The following CTNNA2 variants were observed in gnomAD, a reference collection of about 807,000 sequenced individuals.
CTNNA2 encodes catenin alpha-2.
Under a neutral mutation model 101.0 loss-of-function variants are expected in CTNNA2, and 42 were observed. The observed-to-expected ratio is 0.42, with a 90% confidence interval of 0.32 to 0.54. The LOEUF (loss-of-function observed/expected upper bound fraction) is 0.54. CTNNA2 is among the 20% of genes least tolerant of loss of function. The pLI is 0.14. For missense variants in CTNNA2, 871 were observed against 1,223.1 expected (o/e 0.71, Z 4.29); for synonymous variants, 450 against 456.4 (o/e 0.99, Z 0.18).
intron 9 of CTNNA2, among the ~76,000 whole-genome samples, chr2:80,486,389 T>A (rs1686584878): frequency 6.6e-6 from 1 of 152,206 alleles, no homozygotes; most frequent in Admixed American, 6.5e-5. Flanking sequence ...TTCTTTGAGA[T>A]ATAGTATTCT....
At chr2:80,149,337 C>A (rs1352343232) in intron 7 of CTNNA2, among the ~76,000 whole-genome samples, 1 of 152,068 alleles carries the variant, frequency 6.6e-6, no homozygotes, top group Non-Finnish European at 1.5e-5. Context: ...TGTTTTTGAT[C>A]CTGTTATGAG....
In CTNNA2 at chr2:80,489,092, T is replaced by C. The variant is rs371398474; in HGVS notation, c.1291-55890T>C. ...TGTCTTTGCATGTACCTTTGTAACA[T>C]GTACCTGGTGATTTTATGCTGGTCA... On this transcript the variant is annotated intron_variant, in intron 9 of 18. Coordinates refer to ENST00000402739, the MANE Select transcript of CTNNA2 (RefSeq NM_001282597.3). Among the ~76,000 whole-genome samples, 7 of 152,262 alleles carry C rather than the reference T, an allele frequency of 4.6e-5. No individual in the cohort carries two copies. The East Asian group carries it at 1.2e-3, about 25-fold the overall frequency.
chr2:80,440,273 A>G (rs1370767132), intron 9 of CTNNA2, among the ~76,000 whole-genome samples: 2 of 152,192 alleles, frequency 1.3e-5, no homozygotes, highest in East Asian at 1.9e-4. Context: ...CTTAACAACC[A>G]TGGGGTGATT....
intron 8 of CTNNA2, among the ~76,000 whole-genome samples, chr2:80,415,004 A>G (rs1387959659): frequency 6.6e-6 from 1 of 152,158 alleles, no homozygotes; most frequent in East Asian, 1.9e-4. Flanking sequence ...AGTAGAAAGG[A>G]TCTAAATAAG....
In CTNNA2 at chr2:80,303,717, C is replaced by T. The variant is rs768898408; in HGVS notation, c.1057-89494C>T. On this transcript the variant is annotated intron_variant, in intron 7 of 18. Coordinates refer to ENST00000402739, the MANE Select transcript of CTNNA2 (RefSeq NM_001282597.3). The surrounding 1 kb of genome is among the most constrained non-coding windows in gnomAD (Gnocchi z 7.7). ...CACAGCTGCGGGCACCCGCTGGGGG[C>T]GGCGGGCAGCATCTGAAAGCAGGCC... 6.2e-7 allele frequency: 1 copy of T among 1,606,270 alleles called. No homozygotes were observed. The highest frequency in any genetic ancestry group is 8.5e-7 in the Non-Finnish European group (1 of 1,176,270).
intron 7 of CTNNA2, among the ~76,000 whole-genome samples, chr2:79,992,347 A>G (rs1396320976): frequency 6.6e-6 from 1 of 152,232 alleles, no homozygotes; most frequent in Non-Finnish European, 1.5e-5. Context: ...AAAATTAGAC[A>G]TACTTAATAT....
intron 4 of CTNNA2, among the ~76,000 whole-genome samples, chr2:79,391,465 A>G (rs1246719155): frequency 6.6e-6 from 1 of 152,242 alleles, no homozygotes; most frequent in East Asian, 1.9e-4. Flanking sequence ...TATATAAAAA[A>G]GATGTGTTAA....
intron 2 of CTNNA2, among the ~76,000 whole-genome samples, chr2:79,666,150 G>C (rs548054958): frequency 6.6e-6 from 1 of 152,084 alleles, no homozygotes; most frequent in Non-Finnish European, 1.5e-5. Context: ...AGTGACTTTT[G>C]CATTTTTTAA....
chr2:80,647,151 C>T (rs1012216321), intron 18 of CTNNA2, among the ~76,000 whole-genome samples: 7 of 152,056 alleles, frequency 4.6e-5, no homozygotes, highest in Non-Finnish European at 7.4e-5. Flanking sequence ...ATGGATTGTT[C>T]TTCTGCCTAA....
At chr2:80,053,985 G>A (rs1697049565) in intron 7 of CTNNA2, among the ~76,000 whole-genome samples, 2 of 152,222 alleles carry the variant, frequency 1.3e-5, no homozygotes, top group African/African-American at 4.8e-5. Context: ...TCATTTTACA[G>A]AGTAGCACAA....
At position 80,302,195 on chromosome 2, in the gene CTNNA2, C is replaced by T; in HGVS notation, c.1057-91016C>T. On this transcript the variant is annotated intron_variant, in intron 7 of 18. Coordinates refer to ENST00000402739, the MANE Select transcript of CTNNA2 (RefSeq NM_001282597.3). The surrounding 1 kb of genome is among the most constrained non-coding windows in gnomAD (Gnocchi z 6.4). ...GACCCCAGCCTGGTGCCCGCCGGCC[C>T]GTCCCGGCTGCCCAGGCGTATTTGG... 1 of 1,567,596 alleles carries T rather than the reference C, an allele frequency of 6.4e-7. No homozygotes were observed. Among genetic ancestry groups the T allele is most frequent in the Non-Finnish European group, 8.6e-7 (1 of 1,156,442 alleles).
chr2:80,407,401 C>A (rs1161627608), intron 8 of CTNNA2, among the ~76,000 whole-genome samples: 1 of 152,184 alleles, frequency 6.6e-6, no homozygotes, highest in Non-Finnish European at 1.5e-5. Context: ...AGACTAAAAT[C>A]CACTGATGAA....
intron 2 of CTNNA2, among the ~76,000 whole-genome samples, chr2:79,655,300 A>G (rs1274365154): frequency 6.6e-6 from 1 of 152,208 alleles, no homozygotes; most frequent in African/African-American, 2.4e-5. Context: ...AGTACCTGGT[A>G]TAAAACAAAC....
At chr2:80,248,957 C>A (rs2149103045) in intron 7 of CTNNA2, among the ~76,000 whole-genome samples, 1 of 152,234 alleles carries the variant, frequency 6.6e-6, no homozygotes, top group Admixed American at 6.5e-5. Context: ...AAATCCATAT[C>A]ATTTACATGC....
chr2:80,333,867 C>A (rs1253160943), intron 7 of CTNNA2, among the ~76,000 whole-genome samples: 1 of 152,190 alleles, frequency 6.6e-6, no homozygotes, highest in South Asian at 2.1e-4. Context: ...AAGTGATCCG[C>A]CTGTCTCAGC....
chr2:79,614,140 A>G (rs1678468623), intron 1 of CTNNA2, among the ~76,000 whole-genome samples: 1 of 152,324 alleles, frequency 6.6e-6, no homozygotes, highest in Non-Finnish European at 1.5e-5. Context: ...AAATATAAAT[A>G]TGGTGGATAT....
chr2:80,421,802 CA>C (rs754594979), intron 9 of CTNNA2, among the ~76,000 whole-genome samples: 1,169 of 66,996 alleles, frequency 0.017, 8 homozygotes, highest in Admixed American at 0.035. Flanking sequence ...TGCATATATA[CA>C]AAAAAAAAAA....
At chr2:79,454,787 T>C (rs1266847094) in intron 4 of CTNNA2, among the ~76,000 whole-genome samples, 1 of 152,220 alleles carries the variant, frequency 6.6e-6, no homozygotes, top group Non-Finnish European at 1.5e-5. Flanking sequence ...GAAACAAAAT[T>C]GTCTTGAAGG....
At chr2:80,027,389 C>T (rs933777050) in intron 7 of CTNNA2, among the ~76,000 whole-genome samples, 1 of 152,124 alleles carries the variant, frequency 6.6e-6, no homozygotes. Flanking sequence ...CCACATGGGG[C>T]CTCTTAAAGA....
Sources: allele counts gnomAD v4.1 joint callset (sites outside exome capture counted in the v4.1 genomes callset), GRCh38; gene constraint gnomAD v4.1.1; non-coding constraint Gnocchi (gnomAD v3.1); transcripts MANE v1.5; gene names NCBI Gene and HGNC (gene_info 2026-07-23, HGNC 2026-07-21).